COL27A1: variants seen among roughly 807,000 people sequenced by gnomAD.
The protein encoded by COL27A1 is collagen type XXVII alpha 1 chain.
Under a neutral mutation model 251.3 loss-of-function variants are expected in COL27A1, and 106 were observed. That is an observed-to-expected ratio of 0.42 (90% CI 0.36 to 0.50). COL27A1 has a LOEUF of 0.50. Ranked by LOEUF, COL27A1 falls within the 20% of genes least tolerant of loss-of-function variation. The pLI, the probability that COL27A1 is intolerant of heterozygous loss-of-function variation, is 0.00. For synonymous variants in COL27A1, 1,000 were observed against 986.3 expected (o/e 1.01, Z -0.26); for missense variants, 2,325 against 2,522.8 (o/e 0.92, Z 1.68).
intron 44 of COL27A1, 104 bp from the exon 45 acceptor site, chr9:114,289,138 A>ACC: frequency 7.9e-7 from 1 of 1,266,256 alleles, no homozygotes; most frequent in Admixed American, 2.2e-5. Flanking sequence ...CAGAACCTGC[A>ACC]CCCCCAAACC....
At chr9:114,205,671 A>G (rs1829902487) in intron 8 of COL27A1, 88 bp from the exon 9 acceptor site, 2 of 1,183,120 alleles carry the variant, frequency 1.7e-6, no homozygotes, top group African/African-American at 1.5e-5. Context: ...CTCTTTATTC[A>G]TTGTCAGCCC....
intron 27 of COL27A1, among the ~76,000 whole-genome samples, chr9:114,255,334 C>G (rs1407360759): frequency 6.6e-6 from 1 of 150,512 alleles, no homozygotes; most frequent in African/African-American, 2.5e-5. Flanking sequence ...GATTGGAGCC[C>G]TCAGCATGGG....
At chr9:114,179,098 G>A (rs997519588) in intron 4 of COL27A1, among the ~76,000 whole-genome samples, 3 of 152,174 alleles carry the variant, frequency 2.0e-5, no homozygotes, top group African/African-American at 4.8e-5. Context: ...AACAGCACCC[G>A]GCATCTGTGC....
At chr9:114,272,195 C>G (rs890149813) in intron 36 of COL27A1, 1 of 152,256 alleles carries the variant, frequency 6.6e-6, no homozygotes, top group Non-Finnish European at 1.5e-5. Flanking sequence ...CCCAGCAACT[C>G]TCCCAAGCTT....
At chr9:114,175,318 C>T (rs1052111181) in intron 3 of COL27A1, among the ~76,000 whole-genome samples, 15 of 152,242 alleles carry the variant, frequency 9.9e-5, no homozygotes, top group African/African-American at 3.6e-4. Flanking sequence ...ACCCCGGCCT[C>T]GTGAATCATC....
intron 17 of COL27A1, among the ~76,000 whole-genome samples, chr9:114,236,774 A>G (rs900823722): frequency 6.6e-6 from 1 of 152,114 alleles, no homozygotes; most frequent in African/African-American, 2.4e-5. Flanking sequence ...CTGCTGTTTC[A>G]TGTTAGCATT....
intron 37 of COL27A1, among the ~76,000 whole-genome samples, chr9:114,276,438 T>C (rs902315929): frequency 1.3e-5 from 2 of 152,212 alleles, no homozygotes; most frequent in Admixed American, 1.3e-4. Context: ...AAACCCCGTC[T>C]CTACTAAAAA....
At chr9:114,155,102 C>G (rs1400074538), upstream of COL27A1, among the ~76,000 whole-genome samples, 1 of 142,458 alleles carries the variant, frequency 7.0e-6, no homozygotes, top group African/African-American at 2.6e-5. The surrounding 1 kb of genome is among the most constrained non-coding windows in gnomAD (Gnocchi z 5.5). Flanking sequence ...GGAGCGCAAA[C>G]TTTTGGTGGG....
At chr9:114,197,564 G>T (rs1239406636) in intron 7 of COL27A1, among the ~76,000 whole-genome samples, 1 of 152,158 alleles carries the variant, frequency 6.6e-6, no homozygotes, top group African/African-American at 2.4e-5. Context: ...GTCTTGTTCT[G>T]CATGGGGGTG....
intron 14 of COL27A1, among the ~76,000 whole-genome samples, chr9:114,227,019 T>C (rs962924328): frequency 6.6e-6 from 1 of 152,142 alleles, no homozygotes; most frequent in Non-Finnish European, 1.5e-5. Flanking sequence ...AAATGGGCAT[T>C]AACAATGCCA....
At chr9:114,308,435 G>C (rs1829214476) in intron 59 of COL27A1, among the ~76,000 whole-genome samples, 1 of 152,214 alleles carries the variant, frequency 6.6e-6, no homozygotes, top group African/African-American at 2.4e-5. Flanking sequence ...GCCTTGTGCT[G>C]ACTGGGTCAG....
chr9:114,240,163 C>T, intron 19 of COL27A1, 57 bp from the exon 20 acceptor site: 1 of 1,467,262 alleles, frequency 6.8e-7, no homozygotes, highest in Non-Finnish European at 9.6e-7. Context: ...AAGACGCATC[C>T]CCGTAGCACT....
At chr9:114,231,163 C>T (rs1389157078) in intron 15 of COL27A1, 31 bp downstream of exon 15, 9 of 1,608,218 alleles carry the variant, frequency 5.6e-6, no homozygotes, top group Admixed American at 1.7e-5. Context: ...CGATTCAGGC[C>T]TTGTCCAAGC....
chr9:114,282,527 C>T lies in COL27A1; in HGVS notation c.3842C>T (p.Pro1281Leu). ...GGAGACCCTGGACCCCCTGGCACTC[C>T]AGGCCCTAAAGGGTCCCGGGGCAGC... ...VPGDPGPPGT[P>L]GPKGSRGSLG... is the part of the protein sequence containing the mutation. Residue 1281 changes from proline (P) to leucine (L), a missense_variant, in exon 39 of 61, where the codon CCA becomes CTA. By Grantham distance (98) the Pro-to-Leu change is moderately conservative (BLOSUM62 -3). Coordinates refer to ENST00000356083, the MANE Select transcript of COL27A1 (RefSeq NM_032888.4). 1 of 1,560,762 alleles carries T rather than the reference C, an allele frequency of 6.4e-7. No individual in the cohort carries two copies. The highest frequency in any genetic ancestry group is 8.6e-7 in the Non-Finnish European group (1 of 1,156,116).
chr9:114,290,879 G>T lies in COL27A1; in HGVS notation c.4438G>T (p.Ala1480Ser). ...PAGKRGNPGV[A>S]GLPGAQGPPG... is the part of the protein sequence containing the mutation. Reference sequence around the variant, plus strand: ...TGGGAAGAGAGGAAATCCAGGTGTGGCCGGCTTACCTGGAGCACAGGGACC... The same window carrying T: ...TGGGAAGAGAGGAAATCCAGGTGTGTCCGGCTTACCTGGAGCACAGGGACC... Residue 1480 changes from alanine (A) to serine (S), a missense_variant, in exon 48 of 61, where the codon GCC (alanine) becomes TCC (serine). This residue lies in a region of COL27A1 where 153 missense variants were observed against 140.7 expected (regional missense o/e 1.09). Coordinates refer to ENST00000356083, the MANE Select transcript of COL27A1 (RefSeq NM_032888.4). The surrounding 1 kb of genome is among the most constrained non-coding windows in gnomAD (Gnocchi z 4.6). 6 of 1,551,744 alleles carry T rather than the reference G, an allele frequency of 3.9e-6. No homozygotes were observed. The highest frequency in any genetic ancestry group is 4.4e-6 in the Non-Finnish European group (5 of 1,146,990).
At chr9:114,158,658 A>G (rs543059866) in intron 1 of COL27A1, among the ~76,000 whole-genome samples, 85 of 152,310 alleles carry the variant, frequency 5.6e-4, no homozygotes, top group African/African-American at 1.9e-3. Flanking sequence ...GGCACTAACC[A>G]TGATTAGCAG....
At chr9:114,217,776 C>T (rs1394828043) in intron 12 of COL27A1, 1 of 470,758 alleles carries the variant, frequency 2.1e-6, no homozygotes, top group Non-Finnish European at 4.4e-6. Flanking sequence ...CCAGGTCCTT[C>T]TACCCCAAAG....
chr9:114,179,840 T>C (rs1451725212), intron 4 of COL27A1, among the ~76,000 whole-genome samples: 11 of 98,816 alleles, frequency 1.1e-4, no homozygotes, highest in African/African-American at 4.8e-4. Flanking sequence ...ATCTTTTTTT[T>C]TTTTTTTTTT....
intron 23 of COL27A1, among the ~76,000 whole-genome samples, chr9:114,244,601 C>T (rs1270739452): frequency 6.6e-6 from 1 of 152,210 alleles, no homozygotes; most frequent in Non-Finnish European, 1.5e-5. Flanking sequence ...TCCATATCTC[C>T]CTCCCTTCTG....
Sources: allele counts gnomAD v4.1 joint callset (sites outside exome capture counted in the v4.1 genomes callset), GRCh38; gene constraint gnomAD v4.1.1; regional missense constraint gnomAD v4.1.1; non-coding constraint Gnocchi (gnomAD v3.1); transcripts MANE v1.5; gene names NCBI Gene and HGNC (gene_info 2026-07-23, HGNC 2026-07-21).